Variants in FAM120C observed in about 807,000 individuals in gnomAD.
FAM120C encodes the protein constitutive coactivator of PPAR-gamma-like protein 2.
FAM120C carries 14 observed loss-of-function variants against 71.2 expected under a neutral mutation model. The observed-to-expected ratio is 0.20, with a 90% CI of 0.13 to 0.31. The LOEUF is 0.31. Ranked by LOEUF, FAM120C falls within the 10% of genes least tolerant of loss-of-function variation. The probability of loss-of-function intolerance (pLI) is 1.00; values close to 1 mark genes in which losing one functional copy is unlikely to be tolerated. For synonymous variants in FAM120C, 354 were observed against 353.2 expected (o/e 1.00, Z -0.03); for missense variants, 500 against 879.0 (o/e 0.57, Z 5.45).
Position 54,072,882 on chromosome X carries a change from G to A in FAM120C, c.*151C>T. 2 of 649,370 alleles carry A rather than the reference G, an allele frequency of 3.1e-6. No homozygotes were observed. Among genetic ancestry groups the A allele is most frequent in the Middle Eastern group, 5.5e-4 (1 of 1,802 alleles). 53.5% of individuals were successfully genotyped at this position (649,370 alleles called of 1,213,427 possible). Reference sequence around the variant, plus strand: ...AATCTGAAGTCCCAGAAACAGGCAGGGAAGGGGAAAAGATGGACACAATAG... The same window carrying A: ...AATCTGAAGTCCCAGAAACAGGCAGAGAAGGGGAAAAGATGGACACAATAG... On this transcript the variant is annotated 3_prime_UTR_variant, in exon 16 of 16. Transcript: ENST00000375180.
At chrX:54,098,007 T>C (rs1373761972) in intron 10 of FAM120C, among the ~76,000 whole-genome samples, 5 of 108,269 alleles carry the variant, frequency 4.6e-5, no homozygotes, top group Non-Finnish European at 7.6e-5. Context: ...ATTACAGGCG[T>C]GAGCCACTGT....
intron 4 of FAM120C, among the ~76,000 whole-genome samples, chrX:54,144,662 A>G (rs1480947934): frequency 8.9e-6 from 1 of 112,256 alleles, no homozygotes; most frequent in African/African-American, 3.2e-5. Context: ...AATGAAATAA[A>G]AGAGGACACA....
At chrX:54,175,502 A>C (rs1340514454) in intron 1 of FAM120C, among the ~76,000 whole-genome samples, 9 of 109,371 alleles carry the variant, frequency 8.2e-5, no homozygotes, top group Non-Finnish European at 1.7e-4. Flanking sequence ...TGCACAAGAT[A>C]TTTTATACTT....
chrX:54,098,200 C>T (rs1277517108), intron 10 of FAM120C, among the ~76,000 whole-genome samples: 1 of 108,458 alleles, frequency 9.2e-6, no homozygotes, highest in Admixed American at 1.0e-4. Context: ...CGCCACCATG[C>T]CTGGCTAATT....
chrX:54,161,718 A>T (rs2067236495), intron 1 of FAM120C, among the ~76,000 whole-genome samples: 1 of 112,235 alleles, frequency 8.9e-6, no homozygotes, highest in Admixed American at 9.4e-5. Context: ...TGCAACCTCC[A>T]TGTCCCAGGT....
chrX:54,106,881 A>C (rs2066909518), intron 10 of FAM120C, among the ~76,000 whole-genome samples: 1 of 111,931 alleles, frequency 8.9e-6, no homozygotes, highest in Non-Finnish European at 1.9e-5. Flanking sequence ...AATGGTGATC[A>C]TTAAAAAGTC....
intron 10 of FAM120C, among the ~76,000 whole-genome samples, chrX:54,100,396 G>A (rs1416004417): frequency 8.9e-6 from 1 of 112,195 alleles, no homozygotes; most frequent in African/African-American, 3.2e-5. Flanking sequence ...GGGAGGCTGA[G>A]GCAGGAGAAT....
At position 54,109,594 on chromosome X, in the gene FAM120C, G is replaced by A. The variant is rs185654088; in HGVS notation, c.2312+6951C>T. On this transcript the variant is annotated intron_variant, in intron 10 of 15. Coordinates refer to ENST00000375180, the MANE Select transcript of FAM120C (RefSeq NM_017848.6). ...CACACCACTGCACTCCAGCCTGGGT[G>A]ACAGAGCAAGACCCTGGCTATAAAA... Among the ~76,000 whole-genome samples, 21 of 106,930 alleles carry A rather than the reference G, an allele frequency of 2.0e-4. No homozygotes were observed. In the East Asian group the frequency reaches 5.0e-3, roughly 25 times the overall value. 92.9% of individuals were successfully genotyped at this position (106,930 alleles called of 115,157 possible). A position where few individuals can be genotyped will look rare whatever the true frequency, so the allele number is the denominator to read the frequency against.
At chrX:54,113,491 A>T (rs2066949500) in intron 10 of FAM120C, among the ~76,000 whole-genome samples, 1 of 110,815 alleles carries the variant, frequency 9.0e-6, no homozygotes, top group Non-Finnish European at 1.9e-5. Flanking sequence ...AATGCAACAA[A>T]AACAAAAATA....
chrX:54,173,539 C>T (rs1345295406), intron 1 of FAM120C, among the ~76,000 whole-genome samples: 1 of 112,597 alleles, frequency 8.9e-6, no homozygotes, highest in South Asian at 3.6e-4. Context: ...TGAGCCACCG[C>T]GCCCGGCTGT....
intron 10 of FAM120C, among the ~76,000 whole-genome samples, chrX:54,103,810 A>G (rs1384938886): frequency 3.8e-5 from 4 of 104,387 alleles, no homozygotes; most frequent in Non-Finnish European, 5.9e-5. Context: ...ATATCTTATT[A>G]TTATTTTTGT....
chrX:54,136,417 G>A, intron 5 of FAM120C, 74 bp downstream of exon 5: 12 of 694,281 alleles, frequency 1.7e-5, no homozygotes, highest in Non-Finnish European at 2.8e-5. Flanking sequence ...TTCCACTCTG[G>A]CCCTGGAGTT....
At chrX:54,160,456 T>C (rs1478118557) in intron 1 of FAM120C, among the ~76,000 whole-genome samples, 3 of 111,090 alleles carry the variant, frequency 2.7e-5, no homozygotes, top group African/African-American at 9.8e-5. Context: ...AAATCCAGGC[T>C]GATCTCACTC....
chrX:54,115,761 T>C (rs1228005758), intron 10 of FAM120C, among the ~76,000 whole-genome samples: 1 of 111,189 alleles, frequency 9.0e-6, no homozygotes, highest in Non-Finnish European at 1.9e-5. Context: ...TATATGAACA[T>C]GGACAGACCT....
In FAM120C at chrX:54,090,466, C is replaced by T. The variant is rs1404265913; in HGVS notation, c.2427+846G>A. Among the ~76,000 whole-genome samples, 5 of 110,034 alleles carry T rather than the reference C, an allele frequency of 4.5e-5. 1 individual carries two copies. The highest frequency in any genetic ancestry group is 1.7e-4 in the African/African-American group (5 of 30,269). On this transcript the variant is annotated intron_variant, in intron 11 of 15. Coordinates refer to ENST00000375180, the MANE Select transcript of FAM120C (RefSeq NM_017848.6). ...CAGGGTGGTCTCGAACTCCTGACCT[C>T]GTGATCTGCCCATCTCAGCCTCCCA...
At chrX:54,117,099 G>A (rs190364286) in intron 9 of FAM120C, among the ~76,000 whole-genome samples, 560 of 110,129 alleles carry the variant, frequency 5.1e-3, no homozygotes, top group Non-Finnish European at 8.3e-3. Flanking sequence ...TGGTTCACAC[G>A]TTTAATCCCA....
At chrX:54,126,573 G>A (rs1329728375) in intron 9 of FAM120C, among the ~76,000 whole-genome samples, 2 of 112,283 alleles carry the variant, frequency 1.8e-5, no homozygotes, top group East Asian at 5.6e-4. Context: ...GTTAGCTGTA[G>A]GTTCTTTGTA....
intron 4 of FAM120C, among the ~76,000 whole-genome samples, chrX:54,150,372 C>A (rs1281512741): frequency 8.9e-6 from 1 of 112,345 alleles, no homozygotes; most frequent in Non-Finnish European, 1.9e-5. Flanking sequence ...TATATGGGTA[C>A]TCAAAGTACA....
chrX:54,154,074 T>TAA (rs2067197584), intron 3 of FAM120C, among the ~76,000 whole-genome samples: 1 of 109,179 alleles, frequency 9.2e-6, no homozygotes, highest in Non-Finnish European at 1.9e-5. Context: ...TCTCCTGTTA[T>TAA]ATTGAGAATA....
Sources: allele counts gnomAD v4.1 joint callset (sites outside exome capture counted in the v4.1 genomes callset), GRCh38; gene constraint gnomAD v4.1.1; transcripts MANE v1.5; gene names NCBI Gene and HGNC (gene_info 2026-07-23, HGNC 2026-07-21).